Variants in DOCK10 observed in about 807,000 individuals in gnomAD.
DOCK10 encodes the protein dedicator of cytokinesis protein 10.
DOCK10 carries 145 observed loss-of-function variants against 280.1 expected under a neutral mutation model. The observed-to-expected ratio is 0.52, with a 90% CI of 0.45 to 0.59. DOCK10 has a LOEUF of 0.59. DOCK10 is among the 20% of genes least tolerant of loss of function. The pLI, the probability that DOCK10 is intolerant of heterozygous loss-of-function variation, is 0.00. For missense variants in DOCK10, 2,368 were observed against 2,651.7 expected (o/e 0.89, Z 2.35); for synonymous variants, 915 against 942.2 (o/e 0.97, Z 0.53).
chr2:224,778,477 C>T (rs563966592), intron 50 of DOCK10, 193 bp from the exon 51 acceptor site: 2 of 641,296 alleles, frequency 3.1e-6, no homozygotes, highest in South Asian at 1.7e-5. Context: ...TATAATCAGA[C>T]ATTAATGTAA....
At chr2:225,015,905 TAAATA>T (rs1689577788) in intron 1 of DOCK10, among the ~76,000 whole-genome samples, 1 of 152,170 alleles carries the variant, frequency 6.6e-6, no homozygotes, top group African/African-American at 2.4e-5. Flanking sequence ...AAATGTCAAC[TAAATA>T]AAATAAAATG....
chr2:224,956,209 G>A (rs1376321690), intron 1 of DOCK10, among the ~76,000 whole-genome samples: 1 of 152,220 alleles, frequency 6.6e-6, no homozygotes, highest in Admixed American at 6.5e-5. Flanking sequence ...AACCCCAAGA[G>A]AAGAGACTCT....
In DOCK10 at chr2:224,916,507, C is replaced by T. The variant is rs373637923; in HGVS notation, c.333+188G>A. ...TGTGAGCAGAGGTGGTGCCACCACA[C>T]TCCAGCCTGGGTGACAGAGTGACAC... On this transcript the variant is annotated intron_variant, in intron 3 of 55. Transcript: ENST00000258390. 5.2e-4 allele frequency among the ~76,000 whole-genome samples: 77 copies of T among 148,350 alleles called. 3 individuals carry two copies. The South Asian group carries it at 0.016, about 31-fold the overall frequency.
chr2:224,813,425 G>A (rs996656756), intron 31 of DOCK10, among the ~76,000 whole-genome samples: 6 of 152,092 alleles, frequency 3.9e-5, no homozygotes, highest in Non-Finnish European at 7.4e-5. Flanking sequence ...CGAACTCCTG[G>A]CCTCAAGTGA....
rs954522983 is a variant in DOCK10, at chr2:224,942,479, G to A, written c.124-10811C>T. Among the ~76,000 whole-genome samples, 70 of 152,134 alleles carry A rather than the reference G, an allele frequency of 4.6e-4. 1 individual carries two copies. Among genetic ancestry groups the A allele is most frequent in the African/African-American group, 1.7e-3 (69 of 41,412 alleles). ...TCATTGTTCCTAGAACCAAAATCCT[G>A]GCTCCTGGAACCCCATCCATTGCTT... is the stretch of plus-strand genomic sequence containing the variant. On this transcript the variant is annotated intron_variant, in intron 1 of 55. Coordinates refer to ENST00000258390, the MANE Select transcript of DOCK10 (RefSeq NM_014689.3).
chr2:224,858,440 C>T (rs1293155838), intron 14 of DOCK10, among the ~76,000 whole-genome samples: 5 of 152,126 alleles, frequency 3.3e-5, no homozygotes, highest in East Asian at 1.9e-4. Context: ...GGGGGGATCA[C>T]GAGGTCAGGA....
At chr2:224,988,935 C>G (rs1489079687) in intron 1 of DOCK10, among the ~76,000 whole-genome samples, 1 of 152,110 alleles carries the variant, frequency 6.6e-6, no homozygotes, top group African/African-American at 2.4e-5. Flanking sequence ...CTTGCTTCCC[C>G]CTACATGACA....
chr2:224,820,413 G>T (rs560030829), intron 28 of DOCK10, among the ~76,000 whole-genome samples: 79 of 152,348 alleles, frequency 5.2e-4, no homozygotes, highest in Admixed American at 2.6e-3. Context: ...ATCTGGGGAG[G>T]CACTAGAGCA....
In DOCK10 at chr2:224,849,443, G is replaced by A. The variant is rs78656578; in HGVS notation, c.2235+64C>T. The A allele has an allele frequency of 3.3e-3, 3,976 of 1,212,520 alleles. 93 individuals carry two copies. The African/African-American group carries it at 0.049, about 15-fold the overall frequency. 75.1% of individuals were successfully genotyped at this position (1,212,520 alleles called of 1,614,324 possible). Reference sequence around the variant, plus strand: ...TAGAGAGAGTGTTTTTCACTGCACGGTTATCTGAACATTTACCCACCTTTC... The same window carrying A: ...TAGAGAGAGTGTTTTTCACTGCACGATTATCTGAACATTTACCCACCTTTC... On this transcript the variant is annotated intron_variant, in intron 19 of 55. Coordinates refer to ENST00000258390, the MANE Select transcript of DOCK10 (RefSeq NM_014689.3).
chr2:225,013,964 C>G (rs1423026498), intron 1 of DOCK10, among the ~76,000 whole-genome samples: 1 of 151,954 alleles, frequency 6.6e-6, no homozygotes, highest in Non-Finnish European at 1.5e-5. Context: ...CATTTAAGAG[C>G]CTTTCATATT....
Position 224,876,046 on chromosome 2 carries a change from A to C in DOCK10, c.923T>G (p.Leu308Arg), listed in dbSNP as rs1698608836. The part of the protein sequence containing the change: ...QGRRSTELTD[L>R]GLDSLDNSVT... ...GCTTCATATGCTCTCACCCAGACCC[A>C]GATCAGTGAGCTCTGTGCTCCTCCT... The change falls in exon 8 of 56, where the codon CTG becomes CGG. Residue 308 changes from leucine to arginine, a missense_variant. This residue lies in a region of DOCK10 where 1,209 missense variants were observed against 1,250.9 expected (regional missense o/e 0.97). Coordinates refer to ENST00000258390, the MANE Select transcript of DOCK10 (RefSeq NM_014689.3). 6.2e-7 allele frequency: 1 copy of C among 1,612,562 alleles called. No individual in the cohort carries two copies. The highest frequency in any genetic ancestry group is 8.5e-7 in the Non-Finnish European group (1 of 1,179,442).
chr2:224,924,469 T>G (rs1420865432), intron 2 of DOCK10, among the ~76,000 whole-genome samples: 1 of 152,242 alleles, frequency 6.6e-6, no homozygotes, highest in Non-Finnish European at 1.5e-5. Flanking sequence ...TGGGACTGGC[T>G]TCTTTCACTT....
At chr2:224,842,092 C>T (rs1475848555) in intron 22 of DOCK10, among the ~76,000 whole-genome samples, 196 bp from the exon 23 acceptor site, 3 of 152,152 alleles carry the variant, frequency 2.0e-5, no homozygotes, top group African/African-American at 7.2e-5. Flanking sequence ...AACTACAAAG[C>T]CCACTCTCTC....
intron 1 of DOCK10, among the ~76,000 whole-genome samples, chr2:224,961,484 C>CTTTT (rs1412409913): frequency 7.4e-5 from 5 of 67,158 alleles, no homozygotes; most frequent in African/African-American, 3.2e-4. Context: ...TTCTTTCTTT[C>CTTTT]TCTTTCTTTC....
At chr2:224,776,915 C>A (rs1690906970) in intron 51 of DOCK10, among the ~76,000 whole-genome samples, 2 of 152,212 alleles carry the variant, frequency 1.3e-5, no homozygotes, top group African/African-American at 2.4e-5. Flanking sequence ...CTGCCCTGAG[C>A]TTTCCTTGTA....
At chr2:224,896,199 T>A in intron 4 of DOCK10, 96 bp downstream of exon 4, 1 of 664,062 alleles carries the variant, frequency 1.5e-6, no homozygotes, top group Non-Finnish European at 2.4e-6. Flanking sequence ...TGACAGAAGA[T>A]TAATGTACGT....
At chr2:224,828,120 T>C (rs917650584) in intron 27 of DOCK10, among the ~76,000 whole-genome samples, 1 of 152,142 alleles carries the variant, frequency 6.6e-6, no homozygotes, top group Non-Finnish European at 1.5e-5. Flanking sequence ...TACCTGGAGG[T>C]TAAATCCTAG....
rs398105389 is a variant in DOCK10, at chr2:224,982,809, T to TA, written c.124-51142dup. On this transcript the variant is annotated intron_variant, in intron 1 of 55. Coordinates refer to ENST00000258390, the MANE Select transcript of DOCK10 (RefSeq NM_014689.3). ...AAGGAGTGAAAATGATTTTTTTTTT[T>TA]ATAAACGTAAACACTTCCTGAAGGA... is the stretch of plus-strand genomic sequence containing the variant. Among the ~76,000 whole-genome samples, 15 of 151,926 alleles carry TA rather than the reference T, an allele frequency of 9.9e-5. 1 individual carries two copies. Among genetic ancestry groups the TA allele is most frequent in the Admixed American group, 3.3e-4 (5 of 15,244 alleles).
At chr2:224,852,581 A>C (rs1238585310) in intron 17 of DOCK10, 139 bp from the exon 18 acceptor site, 1 of 694,330 alleles carries the variant, frequency 1.4e-6, no homozygotes. Context: ...ATTATCCATA[A>C]TCTTTTGAAA....
Sources: allele counts gnomAD v4.1 joint callset (sites outside exome capture counted in the v4.1 genomes callset), GRCh38; gene constraint gnomAD v4.1.1; regional missense constraint gnomAD v4.1.1; transcripts MANE v1.5; gene names NCBI Gene and HGNC (gene_info 2026-07-23, HGNC 2026-07-21).